The following TMEM87B variants were observed in gnomAD, a reference collection of about 807,000 sequenced individuals.
TMEM87B encodes the protein transmembrane protein 87B.
In TMEM87B, 83 loss-of-function variants were observed where a neutral mutation model predicts 80.3. That is an observed-to-expected ratio of 1.03 (90% confidence interval 0.87 to 1.24). TMEM87B has a LOEUF of 1.24. Among genes scored for constraint, TMEM87B ranks in the 50% most tolerant of loss-of-function variants. TMEM87B has a pLI of 0.00. For missense variants in TMEM87B, 625 were observed against 674.4 expected (o/e 0.93, Z 0.81); for synonymous variants, 219 against 230.5 (o/e 0.95, Z 0.45).
At position 112,097,309 on chromosome 2, in the gene TMEM87B, A is replaced by G; in HGVS notation, c.1272+18A>G. Reference sequence around the variant, plus strand: ...GCCAATCAGTAAGTATAACCTTCCTATTTAAACAGTTATTTTTATTTATAC... The same window carrying G: ...GCCAATCAGTAAGTATAACCTTCCTGTTTAAACAGTTATTTTTATTTATAC... On this transcript the variant is annotated intron_variant, in intron 13 of 18. Transcript: ENST00000283206. 6.4e-7 allele frequency: 1 copy of G among 1,557,596 alleles called. No individual in the cohort carries two copies. Among genetic ancestry groups the G allele is most frequent in the Non-Finnish European group, 8.7e-7 (1 of 1,151,994 alleles).
At position 112,066,982 on chromosome 2, in the gene TMEM87B, A is replaced by G; in HGVS notation, c.365A>G (p.His122Arg). ...CTTAGTGTTGATGAAGACTTTTGTC[A>G]TTATTTGAAGAATGACAACTGTTGG... The part of the protein sequence containing the change: ...HKLSVDEDFC[H>R]YLKNDNCWTT... Residue 122 changes from histidine to arginine, a missense_variant, in exon 4 of 19, where the codon CAT becomes CGT. Physicochemically the swap from His to Arg is conservative, Grantham distance 29. Coordinates refer to ENST00000283206, the MANE Select transcript of TMEM87B (RefSeq NM_032824.3). 5 of 1,611,946 alleles carry G rather than the reference A, an allele frequency of 3.1e-6. No individual in the cohort carries two copies. The highest frequency in any genetic ancestry group is 4.2e-6 in the Non-Finnish European group (5 of 1,179,372).
chr2:112,081,445 T>A lies in TMEM87B; in HGVS notation c.765T>A (p.Val255=), dbSNP rs763829758. ...GAATCCAGTTCTGGATTGCAGCTGT[T>A]ATTTTTTTGGGAATGCTTGAAAAAG... The part of the protein sequence containing the change: ...ILRIQFWIAA[V]IFLGMLEKAV... The change falls in exon 8 of 19, where the codon GTT becomes GTA. Residue 255 remains valine (V), a synonymous_variant. Transcript: ENST00000283206. The A allele has an allele frequency of 1.9e-6, 3 of 1,613,850 alleles. No individual in the cohort carries two copies. In the East Asian group the frequency reaches 6.7e-5, roughly 36 times the overall value.
intron 1 of TMEM87B, among the ~76,000 whole-genome samples, chr2:112,057,804 C>G (rs1170222144): frequency 6.6e-6 from 1 of 150,972 alleles, no homozygotes; most frequent in Non-Finnish European, 1.5e-5. Flanking sequence ...ACCCTGCTTC[C>G]TGGAGGAGAG....
At chr2:112,061,116 A>G (rs1403373699) in intron 2 of TMEM87B, among the ~76,000 whole-genome samples, 1 of 152,226 alleles carries the variant, frequency 6.6e-6, no homozygotes, top group African/African-American at 2.4e-5. Flanking sequence ...TTTAAGGTTG[A>G]TAAAAGTTAA....
chr2:112,073,691 G>T (rs769434498), intron 4 of TMEM87B, among the ~76,000 whole-genome samples: 17 of 152,192 alleles, frequency 1.1e-4, no homozygotes, highest in Non-Finnish European at 2.4e-4. Context: ...CTTTCAGTCG[G>T]GTGTTGAAGT....
At chr2:112,073,594 C>T (rs1678725265) in intron 4 of TMEM87B, among the ~76,000 whole-genome samples, 1 of 152,134 alleles carries the variant, frequency 6.6e-6, no homozygotes. Flanking sequence ...GTGAAGAGTT[C>T]TGTAGATGTC....
intron 4 of TMEM87B, among the ~76,000 whole-genome samples, chr2:112,069,084 C>T (rs934398754): frequency 6.2e-5 from 9 of 146,066 alleles, no homozygotes; most frequent in Admixed American, 1.4e-4. Context: ...CCCAGCTACT[C>T]GGGAGGCTGA....
At chr2:112,094,253 C>T (rs1182727954) in intron 11 of TMEM87B, among the ~76,000 whole-genome samples, 1 of 151,888 alleles carries the variant, frequency 6.6e-6, no homozygotes, top group Admixed American at 6.6e-5. Flanking sequence ...CCTCCACCTC[C>T]CAGGTTCAAG....
chr2:112,085,868 C>T (rs1437194671), intron 8 of TMEM87B, 137 bp from the exon 9 acceptor site: 2 of 656,064 alleles, frequency 3.0e-6, no homozygotes, highest in Non-Finnish European at 5.1e-6. Flanking sequence ...CAGTTGGATT[C>T]AGTGACTTTT....
At chr2:112,107,601 T>C (rs1048331622) in intron 16 of TMEM87B, among the ~76,000 whole-genome samples, 187 bp from the exon 17 acceptor site, 2 of 152,128 alleles carry the variant, frequency 1.3e-5, no homozygotes, top group Non-Finnish European at 2.9e-5. Context: ...TGAAATCTAA[T>C]TTTTGCGTGT....
chr2:112,075,932 G>A (rs187376493), intron 5 of TMEM87B, among the ~76,000 whole-genome samples: 1 of 152,330 alleles, frequency 6.6e-6, no homozygotes, highest in African/African-American at 2.4e-5. Context: ...TTATGGGAGG[G>A]CACTGGAGAA....
intron 5 of TMEM87B, 66 bp downstream of exon 5, chr2:112,075,028 T>C (rs1678767053): frequency 1.3e-6 from 2 of 1,532,768 alleles, no homozygotes; most frequent in Non-Finnish European, 1.8e-6. Context: ...AAAAAGTCGC[T>C]GATGGATAGA....
chr2:112,098,418 C>A (rs559757711), intron 13 of TMEM87B, among the ~76,000 whole-genome samples, 177 bp from the exon 14 acceptor site: 1 of 152,228 alleles, frequency 6.6e-6, no homozygotes, highest in South Asian at 2.1e-4. Flanking sequence ...CATTAAACAA[C>A]CCTTTAGAAA....
chr2:112,096,703 A>G (rs1382500634), intron 11 of TMEM87B, among the ~76,000 whole-genome samples: 1 of 152,242 alleles, frequency 6.6e-6, no homozygotes, highest in East Asian at 1.9e-4. Context: ...TCACAATGTG[A>G]TCTGTAAAGA....
At chr2:112,100,726 A>G (rs769238304) in intron 15 of TMEM87B, 31 bp downstream of exon 15, 13 of 1,353,424 alleles carry the variant, frequency 9.6e-6, no homozygotes, top group African/African-American at 1.4e-5. Flanking sequence ...TTAAATGACC[A>G]TTGTACATAT....
At chr2:112,093,202 G>A (rs188415985) in intron 11 of TMEM87B, among the ~76,000 whole-genome samples, 2 of 152,246 alleles carry the variant, frequency 1.3e-5, no homozygotes, top group East Asian at 3.9e-4. Flanking sequence ...CCACTTGTGG[G>A]TTGTTTTCTA....
At position 112,076,845 on chromosome 2, in the gene TMEM87B, TGTGTGTGTGTG is replaced by T. The variant is rs1558835570; in HGVS notation, c.502-346_502-336del. On this transcript the variant is annotated intron_variant, in intron 5 of 18. Transcript: ENST00000283206. ...TACCTGCCATTCCTTTTCTGTTTTGTGTGTGTGTGTGTGTGTGTGTGTGTGTGTGTGTGTGT... is the reference window on the plus strand; with the variant it reads ...TACCTGCCATTCCTTTTCTGTTTTGTTGTGTGTGTGTGTGTGTGTGTGTGT... Among the ~76,000 whole-genome samples, 4 of 11,604 alleles carry T rather than the reference TGTGTGTGTGTG, an allele frequency of 3.4e-4. No homozygotes were observed. The African/African-American group carries it at 3.8e-3, about 11-fold the overall frequency. The allele number at this position is 11,604 out of a possible 152,430, so 7.6% of individuals were successfully genotyped here. A position where few individuals can be genotyped will look rare whatever the true frequency, so the allele number is the denominator to read the frequency against.
At chr2:112,088,669 A>G (rs909308355) in intron 9 of TMEM87B, among the ~76,000 whole-genome samples, 1 of 152,200 alleles carries the variant, frequency 6.6e-6, no homozygotes, top group Non-Finnish European at 1.5e-5. Flanking sequence ...TCATGAAATT[A>G]TTCTATTTTA....
chr2:112,059,519 C>T (rs1166529709), intron 1 of TMEM87B, among the ~76,000 whole-genome samples: 1 of 152,090 alleles, frequency 6.6e-6, no homozygotes, highest in Admixed American at 6.6e-5. Context: ...GAGAGGTGGG[C>T]AGGACTTGAT....
Sources: gnomAD v4.1 joint callset for allele counts (sites outside exome capture counted in the v4.1 genomes callset) on GRCh38, gnomAD v4.1.1 for gene constraint, MANE v1.5 for transcripts, NCBI Gene and HGNC (gene_info 2026-07-23, HGNC 2026-07-21) for gene names.